The following CCDC73 variants were observed in gnomAD, a reference collection of about 807,000 sequenced individuals.
The protein encoded by CCDC73 is coiled-coil domain-containing protein 73.
A neutral mutation model predicts 116.5 loss-of-function variants in CCDC73; 95 were observed. That is an observed-to-expected ratio of 0.82 (90% CI 0.69 to 0.97). The LOEUF is 0.97. Among genes scored for constraint, CCDC73 ranks in the 50% least tolerant of loss-of-function variants. CCDC73 has a pLI of 0.00. For synonymous variants in CCDC73, 398 were observed against 401.3 expected (o/e 0.99, Z 0.10); for missense variants, 1,066 against 1,206.8 (o/e 0.88, Z 1.73).
chr11:32,827,636 T>C, the CCDC73 span, among the ~76,000 whole-genome samples: 91 of 152,316 alleles, frequency 6.0e-4, 1 homozygote, highest in East Asian at 0.013. Flanking sequence ...TTTTCCTACC[T>C]GAAGATAAAT....
At chr11:32,622,477 G>C (rs1053199449) in intron 14 of CCDC73, among the ~76,000 whole-genome samples, 4 of 152,052 alleles carry the variant, frequency 2.6e-5, no homozygotes, top group Non-Finnish European at 4.4e-5. Context: ...CATGGACACA[G>C]GAAGGGGAAC....
intron 17 of CCDC73, chr11:32,605,028 AT>A: frequency 6.6e-6 from 1 of 151,786 alleles, no homozygotes; most frequent in Non-Finnish European, 1.5e-5. Context: ...AATTTTTTGT[AT>A]TTTTAGTAGA....
chr11:32,828,590 A>G, the CCDC73 span, among the ~76,000 whole-genome samples: 4 of 152,046 alleles, frequency 2.6e-5, no homozygotes, highest in Admixed American at 6.5e-5. Flanking sequence ...CGACCAAAGC[A>G]TAAATAGTGT....
At chr11:32,744,823 C>T (rs1263201049) in intron 2 of CCDC73, among the ~76,000 whole-genome samples, 2 of 152,122 alleles carry the variant, frequency 1.3e-5, no homozygotes, top group African/African-American at 4.8e-5. Flanking sequence ...TGCTAGCAGT[C>T]TATCTACTTT....
chr11:32,752,680 C>T (rs1364114991), intron 2 of CCDC73, among the ~76,000 whole-genome samples: 2 of 152,198 alleles, frequency 1.3e-5, no homozygotes, highest in East Asian at 3.9e-4. Flanking sequence ...TATTTTTGTA[C>T]ATTTTATGAT....
intron 12 of CCDC73, among the ~76,000 whole-genome samples, chr11:32,646,927 T>C (rs981726063): frequency 6.6e-6 from 1 of 152,232 alleles, no homozygotes; most frequent in Non-Finnish European, 1.5e-5. Flanking sequence ...TCTGCTAATA[T>C]ATTTATCTAA....
At chr11:32,678,467 A>C (rs1301575545) in intron 7 of CCDC73, among the ~76,000 whole-genome samples, 2 of 152,196 alleles carry the variant, frequency 1.3e-5, no homozygotes, top group Non-Finnish European at 2.9e-5. Flanking sequence ...AAAATGAATT[A>C]ATATAAATAA....
At chr11:32,821,663 T>G in the CCDC73 span, among the ~76,000 whole-genome samples, 5 of 152,220 alleles carry the variant, frequency 3.3e-5, no homozygotes, top group Non-Finnish European at 5.9e-5. Context: ...AATCTCTTCA[T>G]AAGTCATAGG....
chr11:32,635,567 T>C, intron 14 of CCDC73, 129 bp downstream of exon 14: 2 of 802,990 alleles, frequency 2.5e-6, no homozygotes, highest in Non-Finnish European at 3.2e-6. Context: ...TAAAAATGTA[T>C]TAGAGACCAT....
At chr11:32,767,785 C>T (rs1008784830) in intron 1 of CCDC73, among the ~76,000 whole-genome samples, 1 of 152,192 alleles carries the variant, frequency 6.6e-6, no homozygotes, top group Non-Finnish European at 1.5e-5. Flanking sequence ...CCATCTCACT[C>T]CAGTTAGAAT....
rs1486362099 is a variant in CCDC73, at chr11:32,664,314, C to T, written c.646-9342G>A. Among the ~76,000 whole-genome samples, 4 of 152,206 alleles carry T rather than the reference C, an allele frequency of 2.6e-5. No homozygotes were observed. The East Asian group carries it at 7.7e-4, about 29-fold the overall frequency. On this transcript the variant is annotated intron_variant, in intron 9 of 17. Transcript: ENST00000335185. ...GGCTGTGAATCTGTCTGGTCCTGGA[C>T]TTTTTTTGGTTGGTAGGCTATTAAT... is the stretch of plus-strand genomic sequence containing the variant.
intron 2 of CCDC73, chr11:32,758,523 T>C (rs1337741270): frequency 2.2e-6 from 1 of 455,602 alleles, no homozygotes; most frequent in Admixed American, 2.3e-5. Context: ...GCTAATTGTG[T>C]CCATGACAGG....
In CCDC73 at chr11:32,700,444, G is replaced by A. The variant is rs115785795; in HGVS notation, c.315+347C>T. ...ATTGAAAAAGCACTAAAAACATCATGGTTAATAGAAACACTGCAGTGGAAT... is the reference window on the plus strand; with the variant it reads ...ATTGAAAAAGCACTAAAAACATCATAGTTAATAGAAACACTGCAGTGGAAT... On this transcript the variant is annotated intron_variant, in intron 5 of 17. Coordinates refer to ENST00000335185, the MANE Select transcript of CCDC73 (RefSeq NM_001008391.4). Among the ~76,000 whole-genome samples, 344 of 152,220 alleles carry A rather than the reference G, an allele frequency of 2.3e-3. 1 individual carries two copies. The highest frequency in any genetic ancestry group is 8.1e-3 in the African/African-American group (336 of 41,540).
intron 3 of CCDC73, among the ~76,000 whole-genome samples, chr11:32,712,522 T>C (rs566629313): frequency 6.6e-6 from 1 of 152,166 alleles, no homozygotes; most frequent in East Asian, 1.9e-4. Flanking sequence ...AAACATCACA[T>C]TGTAGCCCAT....
At chr11:32,739,170 T>TTTCCTGTTC (rs1850161608) in intron 2 of CCDC73, among the ~76,000 whole-genome samples, 1 of 152,186 alleles carries the variant, frequency 6.6e-6, no homozygotes, top group Non-Finnish European at 1.5e-5. Flanking sequence ...TAGCTTTGGC[T>TTTCCTGTTC]AGTCTGGGTC....
chr11:32,754,419 A>G (rs1430497777), intron 2 of CCDC73, among the ~76,000 whole-genome samples: 1 of 152,200 alleles, frequency 6.6e-6, no homozygotes, highest in African/African-American at 2.4e-5. Context: ...GGATAGAATG[A>G]CATGGGCCAA....
intron 6 of CCDC73, among the ~76,000 whole-genome samples, chr11:32,687,830 G>A (rs1017623313): frequency 1.3e-5 from 2 of 152,000 alleles, no homozygotes; most frequent in Admixed American, 6.6e-5. Context: ...GTTTTTTCCA[G>A]GGCAAGATCA....
intron 12 of CCDC73, among the ~76,000 whole-genome samples, chr11:32,645,924 A>T (rs986736829): frequency 1.4e-4 from 22 of 152,226 alleles, no homozygotes; most frequent in African/African-American, 3.9e-4. Context: ...TATAAAACAG[A>T]GTAGTTTCTA....
In CCDC73 at chr11:32,697,208, C is replaced by T. The variant is rs191421676; in HGVS notation, c.390+2043G>A. 3.8e-3 allele frequency among the ~76,000 whole-genome samples: 569 copies of T among 151,658 alleles called. 2 individuals are homozygous for T. Among genetic ancestry groups the T allele is most frequent in the Middle Eastern group, 0.014 (4 of 294 alleles). ...ACACATACTTTTTGTTTTTTCTGAA[C>T]TATCTGAAAGTAAGTTGCAGCTAAT... On this transcript the variant is annotated intron_variant, in intron 6 of 17. Coordinates refer to ENST00000335185, the MANE Select transcript of CCDC73 (RefSeq NM_001008391.4).
Sources: allele counts gnomAD v4.1 joint callset (sites outside exome capture counted in the v4.1 genomes callset), GRCh38; gene constraint gnomAD v4.1.1; transcripts MANE v1.5; gene names NCBI Gene and HGNC (gene_info 2026-07-23, HGNC 2026-07-21).